TCP11: variants seen among roughly 807,000 people sequenced by gnomAD.
TCP11 encodes the protein T-complex protein 11 homolog.
Under a neutral mutation model 45.0 loss-of-function variants are expected in TCP11, and 34 were observed. The observed-to-expected ratio is 0.76, with a 90% CI of 0.57 to 1.01. The LOEUF (loss-of-function observed/expected upper bound fraction) is 1.01, where lower values mean the gene tolerates loss of function less well. Among genes scored for constraint, TCP11 ranks in the 50% least tolerant of loss-of-function variants. The pLI is 0.00. For missense variants in TCP11, 523 were observed against 598.1 expected, an observed-to-expected ratio of 0.87 and a Z score of 1.31; for synonymous variants, 227 against 227.0, an observed-to-expected ratio of 1.00 and a Z score of 0.00.
In TCP11 at chr6:35,120,310, C is replaced by T. The variant is rs966772237; in HGVS notation, c.964G>A (p.Glu322Lys). The change falls in exon 8 of 10, where the codon GAG becomes AAG. Residue 322 changes from glutamate to lysine, a missense_variant. By Grantham distance (56) the Glu-to-Lys change is moderately conservative (BLOSUM62 1). Transcript: ENST00000311875. This position sits in a 1 kb window ranked among gnomAD's most constrained non-coding sequence, Gnocchi z 4.9. ...AACTGGTGCAACTGGGACTTCAGCT[C>T]CTGCAGCCGGGTTCTGTCCATCAGC... ...TLLMDRTRLQELKSQLHQLTV... is the reference protein window; with the variant it reads ...TLLMDRTRLQKLKSQLHQLTV... The T allele has an allele frequency of 1.9e-6, 3 of 1,614,066 alleles. No individual in the cohort carries two copies. Among genetic ancestry groups the T allele is most frequent in the Non-Finnish European group, 2.5e-6 (3 of 1,179,992 alleles).
Position 35,141,303 on chromosome 6 carries a change from G to C in TCP11, c.-113C>G. On this transcript the variant is annotated 5_prime_UTR_variant, in exon 1 of 10. Transcript: ENST00000311875. Reference sequence around the variant, plus strand: ...ACCACCGCGGCGGAGCGGCGGGTTGGGGCGTCGCACGGTGAGAAAGGCCGG... The same window carrying C: ...ACCACCGCGGCGGAGCGGCGGGTTGCGGCGTCGCACGGTGAGAAAGGCCGG... 1 of 1,285,484 alleles carries C rather than the reference G, an allele frequency of 7.8e-7. No homozygotes were observed. The highest frequency in any genetic ancestry group is 4.2e-5 in the Admixed American group (1 of 23,934). The allele number at this position is 1,285,484 out of a possible 1,614,324, so 79.6% of individuals were successfully genotyped here.
intron 3 of TCP11, among the ~76,000 whole-genome samples, chr6:35,130,228 A>G (rs1359461409): frequency 6.6e-6 from 1 of 152,256 alleles, no homozygotes; most frequent in East Asian, 1.9e-4. Flanking sequence ...ACCTACTTGT[A>G]AAATACAAAA....
chr6:35,118,876 T>C (rs1778921860), intron 9 of TCP11, among the ~76,000 whole-genome samples: 1 of 152,108 alleles, frequency 6.6e-6, no homozygotes, highest in Non-Finnish European at 1.5e-5. Context: ...TTCCCCACTA[T>C]AGGAACATGT....
Position 35,140,817 on chromosome 6 carries a change from G to A in TCP11, c.54C>T (p.Gly18=). 1 of 1,550,028 alleles carries A rather than the reference G, an allele frequency of 6.5e-7. No individual in the cohort carries two copies. The highest frequency in any genetic ancestry group is 8.7e-7 in the Non-Finnish European group (1 of 1,153,332). Residue 18 remains glycine (G), a synonymous_variant, in exon 2 of 10, where the codon GGC becomes GGT. Transcript: ENST00000311875. ...VPPKYPGDSE[G]RSCKPETSGP... is the part of the protein sequence containing the mutation. Reference sequence around the variant, plus strand: ...CTGAGGTTTCGGGCTTACAGGACCTGCCCTCTGAGTCGCCAGGATATTTCG... The same window carrying A: ...CTGAGGTTTCGGGCTTACAGGACCTACCCTCTGAGTCGCCAGGATATTTCG...
chr6:35,133,039 C>G (rs1041658929), intron 3 of TCP11, among the ~76,000 whole-genome samples: 1 of 152,194 alleles, frequency 6.6e-6, no homozygotes, highest in South Asian at 2.1e-4. Flanking sequence ...ACAGATACCC[C>G]ACAATGGCCC....
intron 3 of TCP11, among the ~76,000 whole-genome samples, chr6:35,131,187 C>T (rs1427556411): frequency 1.3e-5 from 2 of 152,110 alleles, no homozygotes; most frequent in African/African-American, 2.4e-5. Context: ...GCAGGAGAAT[C>T]GCTTGAACCC....
intron 8 of TCP11, among the ~76,000 whole-genome samples, 163 bp from the exon 9 acceptor site, chr6:35,119,554 G>A (rs1162743586): frequency 6.6e-6 from 1 of 152,164 alleles, no homozygotes; most frequent in East Asian, 1.9e-4. Flanking sequence ...GGCCCAGTGG[G>A]TAGGTACAAT....
At chr6:35,132,473 C>G (rs578164334) in intron 3 of TCP11, among the ~76,000 whole-genome samples, 1 of 152,318 alleles carries the variant, frequency 6.6e-6, no homozygotes, top group South Asian at 2.1e-4. Context: ...TTCTTGACAG[C>G]AAAAACTGCC....
intron 9 of TCP11, 115 bp downstream of exon 9, chr6:35,119,113 A>G (rs1254205377): frequency 3.7e-6 from 5 of 1,352,356 alleles, no homozygotes; most frequent in South Asian, 1.4e-5. Context: ...GAAAAAAATC[A>G]AGGCTAAACA....
chr6:35,120,937 T>C lies in TCP11; in HGVS notation c.687A>G (p.Lys229=). 1.2e-6 allele frequency: 2 copies of C among 1,613,964 alleles called. No homozygotes were observed. Among genetic ancestry groups the C allele is most frequent in the Non-Finnish European group, 1.7e-6 (2 of 1,179,924 alleles). ...QEHSIQYERA[K]FQELLNKQPS... is the part of the protein sequence containing the mutation. The stretch of plus-strand genomic sequence containing the variant: ...GCTGCTTATTGAGGAGTTCCTGGAA[T>C]TTAGCCCGTTCATACTGAATGGAAT... Residue 229 remains lysine (K), a synonymous_variant, in exon 6 of 10, where the codon AAA becomes AAG. Coordinates refer to ENST00000311875, the MANE Select transcript of TCP11 (RefSeq NM_001370687.1). The surrounding 1 kb of genome is among the most constrained non-coding windows in gnomAD (Gnocchi z 4.9).
intron 2 of TCP11, among the ~76,000 whole-genome samples, chr6:35,138,850 A>G (rs1262817028): frequency 6.6e-6 from 1 of 152,204 alleles, no homozygotes; most frequent in African/African-American, 2.4e-5. Flanking sequence ...CATATACCTG[A>G]TAAATATACA....
In TCP11 at chr6:35,140,392, G is replaced by T. The variant is rs567636783; in HGVS notation, c.124+355C>A. The stretch of plus-strand genomic sequence containing the variant: ...ATTTCTTGAGTTAGCAAAGCGCTGA[G>T]AAAACCCAATTCCCGTCTGGGATCA... On this transcript the variant is annotated intron_variant, in intron 2 of 9. Transcript: ENST00000311875. 4.4e-4 allele frequency: 242 copies of T among 544,062 alleles called. 2 individuals carry two copies. Among genetic ancestry groups the T allele is most frequent in the Non-Finnish European group, 2.0e-5 (6 of 303,074 alleles). The allele number at this position is 544,062 out of a possible 1,614,324, so 33.7% of individuals were successfully genotyped here.
intron 1 of TCP11, 74 bp from the exon 2 acceptor site, chr6:35,140,958 G>C (rs1286683737): frequency 1.1e-5 from 16 of 1,451,164 alleles, no homozygotes; most frequent in Non-Finnish European, 1.3e-5. Flanking sequence ...GTCCCTGGGG[G>C]CGGCGGGAAG....
intron 3 of TCP11, 138 bp downstream of exon 3, chr6:35,135,969 G>A: frequency 1.8e-6 from 1 of 550,870 alleles, no homozygotes; most frequent in Non-Finnish European, 3.1e-6. Context: ...GTACTCTTCT[G>A]TTTAAGTTGT....
At chr6:35,136,261 A>G (rs905877602) in intron 2 of TCP11, 43 bp from the exon 3 acceptor site, 1 of 1,490,972 alleles carries the variant, frequency 6.7e-7, no homozygotes, top group African/African-American at 1.4e-5. Context: ...CTGAATTTCT[A>G]TTTTATTCAG....
Position 35,141,247 on chromosome 6 carries a change from G to T in TCP11, c.-57C>A. Reference sequence around the variant, plus strand: ...CGGGTCATCCACTGGCGTCCGCTCGGTGGGCCTCGCGGCCTGGCGGCCTGG... The same window carrying T: ...CGGGTCATCCACTGGCGTCCGCTCGTTGGGCCTCGCGGCCTGGCGGCCTGG... On this transcript the variant is annotated 5_prime_UTR_variant, in exon 1 of 10. Transcript: ENST00000311875. 1.5e-6 allele frequency: 2 copies of T among 1,332,918 alleles called. No individual in the cohort carries two copies. The highest frequency in any genetic ancestry group is 9.6e-7 in the Non-Finnish European group (1 of 1,040,242). 82.6% of individuals were successfully genotyped at this position (1,332,918 alleles called of 1,614,324 possible).
rs575254332 is a variant in TCP11 at position 35,138,038 on chromosome 6, T to G, written c.125-1820A>C. On this transcript the variant is annotated intron_variant, in intron 2 of 9. Coordinates refer to ENST00000311875, the MANE Select transcript of TCP11 (RefSeq NM_001370687.1). ...ATATTTAGAGGTAAAGTCATGACTT[T>G]GTATCTCACCCCAGTTAAAATGGCT... Among the ~76,000 whole-genome samples the G allele has an allele frequency of 2.2e-4, 33 of 152,312 alleles. No homozygotes were observed. In the South Asian group the frequency reaches 6.8e-3, roughly 32 times the overall value.
intron 2 of TCP11, among the ~76,000 whole-genome samples, chr6:35,138,709 T>C (rs1486703208): frequency 6.6e-6 from 1 of 152,124 alleles, no homozygotes; most frequent in Non-Finnish European, 1.5e-5. Context: ...ATAATTTAGT[T>C]GCACATTTTA....
intron 5 of TCP11, 46 bp downstream of exon 5, chr6:35,122,071 C>A: frequency 1.9e-6 from 3 of 1,599,486 alleles, no homozygotes; most frequent in East Asian, 2.2e-5. Flanking sequence ...CTTTTCCGGG[C>A]TCAGGGGCTA....
Sources: gnomAD v4.1 joint callset for allele counts (sites outside exome capture counted in the v4.1 genomes callset) on GRCh38, gnomAD v4.1.1 for gene constraint, Gnocchi (gnomAD v3.1) non-coding constraint, MANE v1.5 for transcripts, NCBI Gene and HGNC (gene_info 2026-07-23, HGNC 2026-07-21) for gene names.